KCNQ5: variants seen among roughly 807,000 people sequenced by gnomAD.
KCNQ5 encodes the protein potassium voltage-gated channel subfamily KQT member 5.
Under a neutral mutation model 98.2 loss-of-function variants are expected in KCNQ5, and 30 were observed. That is an observed-to-expected ratio of 0.31 (90% CI 0.23 to 0.41). The LOEUF (loss-of-function observed/expected upper bound fraction) is 0.41. Ranked by LOEUF, KCNQ5 falls within the 10% of genes least tolerant of loss-of-function variation. The pLI, the probability that KCNQ5 is intolerant of heterozygous loss-of-function variation, is 1.00. For missense variants in KCNQ5, 835 were observed against 1,182.5 expected (o/e 0.71, Z 4.31); for synonymous variants, 458 against 449.4 (o/e 1.02, Z -0.24).
intron 1 of KCNQ5, among the ~76,000 whole-genome samples, chr6:72,924,614 G>A (rs553933986): frequency 3.5e-4 from 54 of 152,238 alleles, no homozygotes; most frequent in South Asian, 6.2e-4. Flanking sequence ...CACGCAGGTG[G>A]AAGACCCTTG....
intron 1 of KCNQ5, among the ~76,000 whole-genome samples, chr6:72,798,069 G>A (rs765512188): frequency 2.0e-5 from 3 of 152,114 alleles, no homozygotes; most frequent in Admixed American, 2.0e-4. Context: ...AGCACTCTGT[G>A]ATACCCATGA....
intron 1 of KCNQ5, among the ~76,000 whole-genome samples, chr6:72,772,937 C>A (rs55645601): frequency 1.8e-4 from 27 of 152,132 alleles, no homozygotes; most frequent in Non-Finnish European, 3.4e-4. Context: ...CTTTATAGAT[C>A]TCTAACAGGA....
chr6:72,676,335 A>C (rs892644717), intron 1 of KCNQ5, among the ~76,000 whole-genome samples: 4 of 150,524 alleles, frequency 2.7e-5, no homozygotes, highest in African/African-American at 9.7e-5. Flanking sequence ...TAAATTTTTT[A>C]TGTCACAAAG....
intron 1 of KCNQ5, among the ~76,000 whole-genome samples, chr6:72,783,423 A>G (rs1196073359): frequency 6.6e-6 from 1 of 152,202 alleles, no homozygotes; most frequent in Admixed American, 6.5e-5. Context: ...ATGCTGGAAA[A>G]AAAATAGTGT....
chr6:72,922,561 C>T (rs1215290140), intron 1 of KCNQ5, among the ~76,000 whole-genome samples: 1 of 152,110 alleles, frequency 6.6e-6, no homozygotes, highest in Non-Finnish European at 1.5e-5. Context: ...CAACATCTCC[C>T]CATATCCCTC....
chr6:72,844,078 G>A (rs565697683), intron 1 of KCNQ5, among the ~76,000 whole-genome samples: 38 of 152,238 alleles, frequency 2.5e-4, no homozygotes, highest in African/African-American at 8.7e-4. Context: ...ATGGGTGCAG[G>A]AAACCACCAC....
intron 1 of KCNQ5, among the ~76,000 whole-genome samples, chr6:72,752,035 A>G (rs1201329913): frequency 1.3e-5 from 2 of 152,068 alleles, no homozygotes; most frequent in African/African-American, 4.8e-5. Context: ...TTGCTATACT[A>G]CCATACATTG....
chr6:72,969,811 G>A (rs1235275709), intron 1 of KCNQ5, among the ~76,000 whole-genome samples: 1 of 152,158 alleles, frequency 6.6e-6, no homozygotes, highest in African/African-American at 2.4e-5. Flanking sequence ...TACTGTTGAT[G>A]TTGTCTGGGA....
chr6:72,702,353 A>G (rs140851822), intron 1 of KCNQ5, among the ~76,000 whole-genome samples: 4 of 152,320 alleles, frequency 2.6e-5, no homozygotes, highest in Non-Finnish European at 5.9e-5. Context: ...TCACCAATTC[A>G]TGTGGCTCAA....
At chr6:72,703,474 A>C (rs761501278) in intron 1 of KCNQ5, among the ~76,000 whole-genome samples, 37 of 152,282 alleles carry the variant, frequency 2.4e-4, no homozygotes, top group Non-Finnish European at 5.3e-4. Context: ...CAGTAGTGTT[A>C]ATTTCTGAGG....
At chr6:72,786,528 G>A (rs971788133) in intron 1 of KCNQ5, among the ~76,000 whole-genome samples, 20 of 152,150 alleles carry the variant, frequency 1.3e-4, no homozygotes, top group South Asian at 6.2e-4. Context: ...ATTGAGGAAA[G>A]GTAGTGGCTT....
chr6:72,673,716 G>A (rs990147247), intron 1 of KCNQ5, among the ~76,000 whole-genome samples: 9 of 152,114 alleles, frequency 5.9e-5, no homozygotes, highest in Non-Finnish European at 1.3e-4. Context: ...GTGGAAATTG[G>A]CATTGTTATC....
intron 1 of KCNQ5, among the ~76,000 whole-genome samples, chr6:72,900,000 G>T (rs1302842342): frequency 6.6e-6 from 1 of 152,032 alleles, no homozygotes; most frequent in East Asian, 1.9e-4. Context: ...ACCACGCCCT[G>T]CTACCTTTTG....
intron 10 of KCNQ5, among the ~76,000 whole-genome samples, chr6:73,151,169 A>G (rs1021927098): frequency 2.0e-5 from 3 of 152,192 alleles, no homozygotes; most frequent in Non-Finnish European, 2.9e-5. Context: ...TAAAATAATA[A>G]AAGTCAAATG....
chr6:72,946,735 G>C (rs1766564688), intron 1 of KCNQ5, among the ~76,000 whole-genome samples: 1 of 152,162 alleles, frequency 6.6e-6, no homozygotes, highest in African/African-American at 2.4e-5. Flanking sequence ...TTGTTTAATG[G>C]TAAAGTGCTT....
chr6:72,904,425 G>C (rs556634951), intron 1 of KCNQ5, among the ~76,000 whole-genome samples: 10 of 152,014 alleles, frequency 6.6e-5, no homozygotes, highest in Admixed American at 3.3e-4. Flanking sequence ...TTGGTTTTTT[G>C]TTTGGTTTTT....
At chr6:73,067,863 GATAT>G (rs71695883) in intron 3 of KCNQ5, among the ~76,000 whole-genome samples, 509 of 4,090 alleles carry the variant, frequency 0.12, 2 homozygotes, top group African/African-American at 0.13. Flanking sequence ...TTGGACAAAA[GATAT>G]ATATATATAT....
chr6:73,107,779 A>G (rs1775064993), intron 6 of KCNQ5, among the ~76,000 whole-genome samples: 1 of 152,196 alleles, frequency 6.6e-6, no homozygotes, highest in Non-Finnish European at 1.5e-5. Context: ...GAAATCTGAA[A>G]ATTTTGCTTT....
intron 1 of KCNQ5, among the ~76,000 whole-genome samples, chr6:72,842,076 C>A (rs1776820186): frequency 6.6e-6 from 1 of 152,096 alleles, no homozygotes; most frequent in Non-Finnish European, 1.5e-5. Flanking sequence ...ATTCTATTAA[C>A]TGGACATTCA....
Sources: allele counts gnomAD v4.1 joint callset (sites outside exome capture counted in the v4.1 genomes callset), GRCh38; gene constraint gnomAD v4.1.1; transcripts MANE v1.5; gene names NCBI Gene and HGNC (gene_info 2026-07-23, HGNC 2026-07-21).